The following SMARCA5 variants were observed in gnomAD, a reference collection of about 807,000 sequenced individuals.
The protein encoded by SMARCA5 is SNF2 related chromatin remodeling ATPase 5.
A neutral mutation model predicts 140.4 loss-of-function variants in SMARCA5; 18 were observed. The ratio of observed to expected loss-of-function variants is 0.13; its 90% CI spans 0.09 to 0.19. SMARCA5 has a LOEUF of 0.19. SMARCA5 is among the 10% of genes least tolerant of loss of function. The pLI is 1.00. For synonymous variants in SMARCA5, 449 were observed against 419.6 expected (o/e 1.07, Z -0.86); for missense variants, 606 against 1,276.8 (o/e 0.47, Z 8.01).
intron 9 of SMARCA5, among the ~76,000 whole-genome samples, chr4:143,533,498 C>CTTTTTTTTTTTT (rs10580434): frequency 1.6e-5 from 2 of 127,550 alleles, no homozygotes; most frequent in African/African-American, 3.0e-5. Context: ...CTTGTCCATT[C>CTTTTTTTTTTTT]TTTTTTTTTT....
chr4:143,529,693 C>T (rs1737144780), intron 8 of SMARCA5, among the ~76,000 whole-genome samples: 1 of 151,802 alleles, frequency 6.6e-6, no homozygotes, highest in Admixed American at 6.6e-5. Flanking sequence ...TTGAAGAGCT[C>T]CATGTTAGTA....
intron 19 of SMARCA5, among the ~76,000 whole-genome samples, 172 bp from the exon 20 acceptor site, chr4:143,546,604 T>C (rs1737530403): frequency 6.6e-6 from 1 of 152,130 alleles, no homozygotes; most frequent in Admixed American, 6.5e-5. Context: ...ATTTGAGCAA[T>C]ATATAATGTG....
At chr4:143,547,097 T>C (rs1417982465) in intron 20 of SMARCA5, among the ~76,000 whole-genome samples, 189 bp downstream of exon 20, 1 of 152,180 alleles carries the variant, frequency 6.6e-6, no homozygotes, top group African/African-American at 2.4e-5. Flanking sequence ...TTAAAAATTT[T>C]TTAACCCTAG....
intron 23 of SMARCA5, among the ~76,000 whole-genome samples, chr4:143,552,152 C>G (rs751013687): frequency 6.6e-6 from 1 of 151,866 alleles, no homozygotes; most frequent in Non-Finnish European, 1.5e-5. Context: ...TTTTATTTCA[C>G]GTGTAATTAC....
At chr4:143,519,193 A>G (rs1209344533) in intron 2 of SMARCA5, among the ~76,000 whole-genome samples, 1 of 152,102 alleles carries the variant, frequency 6.6e-6, no homozygotes, top group Non-Finnish European at 1.5e-5. Flanking sequence ...CTCTTACTTG[A>G]GAATATCCAA....
intron 2 of SMARCA5, among the ~76,000 whole-genome samples, chr4:143,519,234 C>G (rs1380137689): frequency 6.6e-6 from 1 of 152,068 alleles, no homozygotes; most frequent in Non-Finnish European, 1.5e-5. Flanking sequence ...CTTAGCATAC[C>G]TTAGTGTTAC....
chr4:143,542,631 G>A (rs114540776), intron 14 of SMARCA5, among the ~76,000 whole-genome samples: 244 of 152,226 alleles, frequency 1.6e-3, no homozygotes, highest in African/African-American at 5.6e-3. Flanking sequence ...TTACAAGTTG[G>A]TTGGCATATA....
chr4:143,545,541 G>A lies in SMARCA5; in HGVS notation c.2355G>A (p.Leu785=). The A allele has an allele frequency of 1.2e-6, 2 of 1,611,448 alleles. 1 individual carries two copies. Among genetic ancestry groups the A allele is most frequent in the Non-Finnish European group, 1.7e-6 (2 of 1,177,942 alleles). ...TTCCTCCACGTTTATTTGAATTACT[G>A]GAAAAAGAAATTCTGTTTTACAGAA... ...QFFPPRLFEL[L]EKEILFYRKT... is the part of the protein sequence containing the mutation. The change falls in exon 18 of 24, where the codon CTG becomes CTA. Residue 785 remains leucine, a synonymous_variant. Coordinates refer to ENST00000283131, the MANE Select transcript of SMARCA5 (RefSeq NM_003601.4).
chr4:143,539,916 T>A (rs1379298202), intron 13 of SMARCA5, among the ~76,000 whole-genome samples: 1 of 152,146 alleles, frequency 6.6e-6, no homozygotes, highest in East Asian at 1.9e-4. Context: ...GGGAGTTTTT[T>A]AGGAATGTAG....
intron 9 of SMARCA5, among the ~76,000 whole-genome samples, chr4:143,530,787 G>C (rs1402260008): frequency 6.6e-6 from 1 of 152,140 alleles, no homozygotes; most frequent in Non-Finnish European, 1.5e-5. Flanking sequence ...GTGGGGGGAA[G>C]AAGAATTGCA....
Position 143,545,444 on chromosome 4 carries a change from T to A in SMARCA5, c.2284-26T>A, listed in dbSNP as rs540964671. 3.5e-6 allele frequency: 5 copies of A among 1,442,030 alleles called. No homozygotes were observed. The South Asian group carries it at 4.6e-5, about 13-fold the overall frequency. The allele number at this position is 1,442,030 out of a possible 1,614,324, so 89.3% of individuals were successfully genotyped here. ...TAAAATGAAATTTCTTTTTTATGGA[T>A]AACACTTATTTTTGTTTTTCTTTAG... is the stretch of plus-strand genomic sequence containing the variant. On this transcript the variant is annotated intron_variant, in intron 17 of 23. Coordinates refer to ENST00000283131, the MANE Select transcript of SMARCA5 (RefSeq NM_003601.4).
At chr4:143,546,669 A>T (rs2149824715) in intron 19 of SMARCA5, 107 bp from the exon 20 acceptor site, 1 of 1,026,566 alleles carries the variant, frequency 9.7e-7, no homozygotes, top group Non-Finnish European at 1.4e-6. Flanking sequence ...AAAGAACTTA[A>T]TAAACTAGTG....
At position 143,538,648 on chromosome 4, in the gene SMARCA5, T is replaced by C; in HGVS notation, c.1554T>C (p.Tyr518=). The C allele has an allele frequency of 6.2e-7, 1 of 1,613,254 alleles. No individual in the cohort carries two copies. The highest frequency in any genetic ancestry group is 2.2e-5 in the East Asian group (1 of 44,864). ...GGGTATTGGACATTTTGGAAGATTA[T>C]TGCATGTGGAGAAATTATGAGTACT... is the stretch of plus-strand genomic sequence containing the variant. The part of the protein sequence containing the change: ...MTRVLDILED[Y]CMWRNYEYCR... Residue 518 remains tyrosine, a synonymous_variant, in exon 12 of 24, where the codon TAT becomes TAC. Transcript: ENST00000283131.
intron 10 of SMARCA5, among the ~76,000 whole-genome samples, chr4:143,535,874 T>G (rs567608814): frequency 6.6e-6 from 1 of 152,302 alleles, no homozygotes; most frequent in South Asian, 2.1e-4. Context: ...TAATCTGGCC[T>G]TAGCTTATGG....
rs776397514 is a variant in SMARCA5, at chr4:143,543,623, A to G, written c.2018A>G (p.Asp673Gly). 1.9e-6 allele frequency: 3 copies of G among 1,613,128 alleles called. No individual in the cohort carries two copies. The highest frequency in any genetic ancestry group is 3.3e-5 in the Admixed American group (2 of 59,980). Residue 673 changes from aspartate (D) to glycine (G), a missense_variant, in exon 15 of 24, where the codon GAT (aspartate) becomes GGT (glycine). Coordinates refer to ENST00000283131, the MANE Select transcript of SMARCA5 (RefSeq NM_003601.4). ...AAGGAAAGTGAGATCACTGATGAAGATATCGATGGTATTTTGGAAAGAGGT... is the reference window on the plus strand; with the variant it reads ...AAGGAAAGTGAGATCACTGATGAAGGTATCGATGGTATTTTGGAAAGAGGT... ...ASKESEITDE[D>G]IDGILERGAK...
In SMARCA5 at chr4:143,543,837, T is replaced by C. The variant is rs1737474692; in HGVS notation, c.2053-16T>C. ...CTTTGCTGTGAATCTAAGAAGCTGA[T>C]TGTTTTGTTCTCTAGACTGCAGAGA... On this transcript the variant is annotated splice_polypyrimidine_tract_variant and intron_variant, in intron 15 of 23. Transcript: ENST00000283131. 1.9e-6 allele frequency: 3 copies of C among 1,582,734 alleles called. No individual in the cohort carries two copies. The highest frequency in any genetic ancestry group is 2.6e-6 in the Non-Finnish European group (3 of 1,170,352).
intron 2 of SMARCA5, among the ~76,000 whole-genome samples, chr4:143,520,575 T>C (rs1227047317): frequency 6.6e-6 from 1 of 152,244 alleles, no homozygotes; most frequent in African/African-American, 2.4e-5. Context: ...TGGATACTTC[T>C]TGTGTTTGCT....
At chr4:143,540,161 G>C (rs561608495) in intron 13 of SMARCA5, among the ~76,000 whole-genome samples, 1 of 152,244 alleles carries the variant, frequency 6.6e-6, no homozygotes, top group South Asian at 2.1e-4. Context: ...TTATAATGTT[G>C]TATATTGTTT....
intron 4 of SMARCA5, among the ~76,000 whole-genome samples, chr4:143,525,119 A>C (rs1463156933): frequency 6.6e-6 from 1 of 152,036 alleles, no homozygotes; most frequent in Non-Finnish European, 1.5e-5. Context: ...GAAAGCTGAA[A>C]ATACTTGGTT....
Sources: gnomAD v4.1 joint callset for allele counts (sites outside exome capture counted in the v4.1 genomes callset) on GRCh38, gnomAD v4.1.1 for gene constraint, MANE v1.5 for transcripts, NCBI Gene and HGNC (gene_info 2026-07-23, HGNC 2026-07-21) for gene names.